IPO7: variants seen among roughly 807,000 people sequenced by gnomAD.
The protein encoded by IPO7 is importin-7.
In IPO7, 13 loss-of-function variants were observed where a neutral mutation model predicts 136.4. That is an observed-to-expected ratio of 0.10 (90% CI 0.06 to 0.15). The LOEUF is 0.15. Among genes scored for constraint, IPO7 ranks in the 10% least tolerant of loss-of-function variants. The probability of loss-of-function intolerance (pLI) is 1.00; values close to 1 mark genes in which losing one functional copy is unlikely to be tolerated. For missense variants in IPO7, 857 were observed against 1,240.6 expected (o/e 0.69, Z 4.65); for synonymous variants, 403 against 404.4 (o/e 1.00, Z 0.04).
At chr11:9,416,353 A>G (rs953432321) in intron 5 of IPO7, among the ~76,000 whole-genome samples, 5 of 152,174 alleles carry the variant, frequency 3.3e-5, no homozygotes, top group African/African-American at 9.7e-5. Context: ...TTCTTTTGTT[A>G]AGTAATTTGA....
intron 4 of IPO7, among the ~76,000 whole-genome samples, chr11:9,410,576 C>G (rs1173581343): frequency 8.2e-6 from 1 of 121,854 alleles, no homozygotes; most frequent in Admixed American, 8.7e-5. Context: ...GGGATTCACA[C>G]TCACCTATTT....
chr11:9,426,512 G>T (rs919982565), intron 12 of IPO7, among the ~76,000 whole-genome samples: 5 of 151,928 alleles, frequency 3.3e-5, no homozygotes, highest in Non-Finnish European at 7.4e-5. Context: ...TTTTTCATGG[G>T]TATATACCTA....
intron 12 of IPO7, among the ~76,000 whole-genome samples, chr11:9,427,569 C>G (rs1855231010): frequency 2.0e-5 from 3 of 152,168 alleles, no homozygotes; most frequent in Admixed American, 2.0e-4. Flanking sequence ...CGTCTTTCAT[C>G]TTTTCTATAC....
At chr11:9,388,254 C>T (rs12363308) in intron 1 of IPO7, among the ~76,000 whole-genome samples, 14,962 of 143,760 alleles carry the variant, frequency 0.1, 1,074 homozygotes, top group Non-Finnish European at 0.16. Context: ...ATGAGCCCAC[C>T]GCAACTTCTG....
intron 16 of IPO7, chr11:9,433,005 T>TTTTTTTTTTTTTTTTTTTTTTTTTC (rs1855320210): frequency 6.7e-6 from 1 of 150,200 alleles, no homozygotes. Flanking sequence ...TTTTTTTTTT[T>TTTTTTTTTTTTTTTTTTTTTTTTTC]GAGATGGAGT....
At chr11:9,389,786 G>C (rs1456805640) in intron 1 of IPO7, among the ~76,000 whole-genome samples, 3 of 150,296 alleles carry the variant, frequency 2.0e-5, no homozygotes, top group African/African-American at 4.9e-5. Context: ...TTTGAGTGGA[G>C]TTTCGCTCTT....
intron 16 of IPO7, among the ~76,000 whole-genome samples, chr11:9,432,414 A>G (rs2133758839): frequency 6.6e-6 from 1 of 152,122 alleles, no homozygotes; most frequent in East Asian, 1.9e-4. Context: ...GTTGGCCGGC[A>G]GGTCTGGAAC....
intron 1 of IPO7, among the ~76,000 whole-genome samples, chr11:9,389,667 A>G (rs934155770): frequency 6.6e-6 from 1 of 152,242 alleles, no homozygotes; most frequent in East Asian, 1.9e-4. Context: ...AGTCAAGAAA[A>G]ATGCTGTAAG....
At chr11:9,398,610 T>C (rs1053079915) in intron 1 of IPO7, among the ~76,000 whole-genome samples, 1 of 152,256 alleles carries the variant, frequency 6.6e-6, no homozygotes, top group Non-Finnish European at 1.5e-5. Context: ...AATTGATACA[T>C]GATAATTGTA....
At chr11:9,414,158 T>C in intron 4 of IPO7, 97 bp from the exon 5 acceptor site, 1 of 851,816 alleles carries the variant, frequency 1.2e-6, no homozygotes, top group Non-Finnish European at 1.7e-6. Flanking sequence ...GGTTAAGAAG[T>C]ATTTGATTAT....
At chr11:9,441,563 A>C (rs998131327) in intron 23 of IPO7, among the ~76,000 whole-genome samples, 1 of 152,234 alleles carries the variant, frequency 6.6e-6, no homozygotes, top group African/African-American at 2.4e-5. Context: ...GCAAGGTTAC[A>C]GAAGCACAAA....
intron 1 of IPO7, among the ~76,000 whole-genome samples, chr11:9,400,989 C>T (rs774460876): frequency 6.6e-6 from 1 of 151,638 alleles, no homozygotes; most frequent in Non-Finnish European, 1.5e-5. Context: ...CGAGACCAGC[C>T]TGGCCAACAT....
intron 12 of IPO7, among the ~76,000 whole-genome samples, chr11:9,426,076 C>T (rs1157108987): frequency 6.6e-6 from 1 of 152,002 alleles, no homozygotes; most frequent in South Asian, 2.1e-4. Flanking sequence ...TAAAAAATAA[C>T]AACCTTATGG....
intron 16 of IPO7, among the ~76,000 whole-genome samples, chr11:9,431,910 C>T (rs140486079): frequency 5.5e-4 from 84 of 152,062 alleles, no homozygotes; most frequent in African/African-American, 1.8e-3. Flanking sequence ...GAGAGGCAGA[C>T]GCTGCAGTGA....
chr11:9,433,925 T>A, intron 18 of IPO7, 79 bp downstream of exon 18: 2 of 320,354 alleles, frequency 6.2e-6, no homozygotes, highest in South Asian at 6.0e-5. Flanking sequence ...AACATACACT[T>A]TTTTTTTTTT....
Position 9,445,327 on chromosome 11 carries a change from A to C in IPO7, c.*133A>C. 3.5e-6 allele frequency: 1 copy of C among 284,076 alleles called. No individual in the cohort carries two copies. The highest frequency in any genetic ancestry group is 6.9e-6 in the Non-Finnish European group (1 of 144,388). 17.6% of individuals were successfully genotyped at this position (284,076 alleles called of 1,614,324 possible). A position where few individuals can be genotyped will look rare whatever the true frequency, so the allele number is the denominator to read the frequency against. The stretch of plus-strand genomic sequence containing the variant: ...GATGGACAAAAGAAACAACAACCCC[A>C]GGAGATGGGACCTGATCATGCAACC... On this transcript the variant is annotated 3_prime_UTR_variant, in exon 25 of 25. Coordinates refer to ENST00000379719, the MANE Select transcript of IPO7 (RefSeq NM_006391.3).
At chr11:9,401,419 G>T (rs1341017611) in intron 1 of IPO7, among the ~76,000 whole-genome samples, 1 of 152,042 alleles carries the variant, frequency 6.6e-6, no homozygotes, top group East Asian at 1.9e-4. Flanking sequence ...CAGGCTAAGT[G>T]TGGTGGCTCA....
intron 2 of IPO7, among the ~76,000 whole-genome samples, chr11:9,404,557 C>T (rs925327803): frequency 6.8e-6 from 1 of 146,018 alleles, no homozygotes; most frequent in Admixed American, 7.2e-5. Context: ...TAGTTCCGGT[C>T]TTCGGATTTT....
chr11:9,390,295 GTTT>G (rs1235921901), intron 1 of IPO7, among the ~76,000 whole-genome samples: 1 of 142,650 alleles, frequency 7.0e-6, no homozygotes. Context: ...GTGTGTGTGT[GTTT>G]TTTTTTTTTT....
Sources: gnomAD v4.1 joint callset for allele counts (sites outside exome capture counted in the v4.1 genomes callset) on GRCh38, gnomAD v4.1.1 for gene constraint, MANE v1.5 for transcripts, NCBI Gene and HGNC (gene_info 2026-07-23, HGNC 2026-07-21) for gene names.